The following ZFP92 variants were observed in gnomAD, a reference collection of about 807,000 sequenced individuals.
ZFP92 encodes the protein ZFP92 zinc finger protein, also known as zinc finger protein 92 homolog.
A neutral mutation model predicts 7.6 loss-of-function variants in ZFP92; 2 were observed. The ratio of observed to expected loss-of-function variants is 0.26; its 90% confidence interval spans 0.11 to 0.83. The LOEUF (loss-of-function observed/expected upper bound fraction) is 0.83, where lower values mean the gene tolerates loss of function less well. Ranked by LOEUF, ZFP92 falls within the 40% of genes least tolerant of loss-of-function variation. The probability of loss-of-function intolerance (pLI) is 0.65; values close to 1 mark genes in which losing one functional copy is unlikely to be tolerated. For missense variants in ZFP92, 324 were observed against 408.3 expected, an observed-to-expected ratio of 0.79 and a Z score of 1.78; for synonymous variants, 226 against 183.6, an observed-to-expected ratio of 1.23 and a Z score of -1.87.
intron 2 of ZFP92, among the ~76,000 whole-genome samples, chrX:153,417,535 G>C (rs1291573418): frequency 8.9e-6 from 1 of 112,365 alleles, no homozygotes; most frequent in Non-Finnish European, 1.9e-5. Flanking sequence ...CCTGAGGGAA[G>C]GGGATTGGCA....
chrX:153,421,532 G>GGGCCCTGGGAGCACC lies in ZFP92; in HGVS notation c.1168_1182dup (p.Thr390_Ser394dup), dbSNP rs2089003997. The GGGCCCTGGGAGCACC allele has an allele frequency of 8.9e-7, 1 of 1,123,173 alleles. No individual in the cohort carries two copies. The highest frequency in any genetic ancestry group is 1.2e-6 in the Non-Finnish European group (1 of 858,655). 92.6% of individuals were successfully genotyped at this position (1,123,173 alleles called of 1,213,427 possible). A position where few individuals can be genotyped will look rare whatever the true frequency, so the allele number is the denominator to read the frequency against. On this transcript the variant is annotated inframe_insertion, in exon 6 of 6. Coordinates refer to ENST00000338647, the MANE Select transcript of ZFP92 (RefSeq NM_001136273.2). ...AGGCGGAGACGGCGCGGAGGCTAGC[G>GGGCCCTGGGAGCACC]GGCCCTGGGAGCACCGGCCCTGGGA...
At chrX:153,420,409 C>T in intron 5 of ZFP92, 77 bp downstream of exon 5, 1 of 981,574 alleles carries the variant, frequency 1.0e-6, no homozygotes, top group Non-Finnish European at 1.4e-6. Context: ...GGGGAGGGTA[C>T]CCTGCCGCTT....
rs2089016108 is a variant in ZFP92 at position 153,422,904 on chromosome X, C to T, written c.*1276C>T. ...ACCTCAGGCAGGAGAAAGGGGGCCA[C>T]CCCAGGCCTGCCCCCAGATGAGTGT... On this transcript the variant is annotated 3_prime_UTR_variant, in exon 6 of 6. Transcript: ENST00000338647. The T allele has an allele frequency of 8.9e-6, 1 of 112,706 alleles. No homozygotes were observed. Among genetic ancestry groups the T allele is most frequent in the Admixed American group, 9.3e-5 (1 of 10,772 alleles). The allele number at this position is 112,706 out of a possible 1,213,427, so 9.3% of individuals were successfully genotyped here.
chrX:153,416,922 G>A (rs189192022), intron 2 of ZFP92, among the ~76,000 whole-genome samples: 38 of 111,421 alleles, frequency 3.4e-4, no homozygotes, highest in Non-Finnish European at 6.0e-4. Flanking sequence ...GGGGACGCAA[G>A]ATGAGGGGAG....
intron 4 of ZFP92, among the ~76,000 whole-genome samples, chrX:153,419,634 G>A (rs1556974542): frequency 8.9e-6 from 1 of 112,420 alleles, no homozygotes; most frequent in Non-Finnish European, 1.9e-5. Flanking sequence ...TCCCCTTGCC[G>A]CTGGAGGGGA....
At chrX:153,420,433 C>A in intron 5 of ZFP92, 101 bp downstream of exon 5, 1 of 917,165 alleles carries the variant, frequency 1.1e-6, no homozygotes, top group Non-Finnish European at 1.5e-6. Flanking sequence ...GTGGGAAATC[C>A]TCTTTGGAGG....
intron 4 of ZFP92, among the ~76,000 whole-genome samples, chrX:153,419,505 C>T (rs1191869259): frequency 8.9e-6 from 1 of 112,772 alleles, no homozygotes; most frequent in Non-Finnish European, 1.9e-5. Flanking sequence ...ATGAGAGATG[C>T]ATGCGTGAAA....
At chrX:153,415,574 G>A (rs782330173) in intron 2 of ZFP92, among the ~76,000 whole-genome samples, 1 of 112,058 alleles carries the variant, frequency 8.9e-6, no homozygotes, top group South Asian at 3.8e-4. Context: ...GCAAGGGTTT[G>A]TGTGAACCAC....
chrX:153,425,969 C>T lies in ZFP92; in HGVS notation c.*4341C>T, dbSNP rs897427130. The T allele has an allele frequency of 1.4e-4, 16 of 111,774 alleles. No individual in the cohort carries two copies. The highest frequency in any genetic ancestry group is 5.2e-4 in the African/African-American group (16 of 30,700). The allele number at this position is 111,774 out of a possible 1,213,427, so 9.2% of individuals were successfully genotyped here. ...TCATGTGGGAAATGGAGGCCTGCTG[C>T]AGACCTGAAGGTCAATGATTGTTTA... On this transcript the variant is annotated 3_prime_UTR_variant, in exon 6 of 6. Transcript: ENST00000338647.
In ZFP92 at chrX:153,421,001, C is replaced by T; in HGVS notation, c.624C>T (p.Tyr208=). ...GCATCCACAGCGGCGAGAAGCCCTA[C>T]GCCTGCCCCGAGTGCAGCAAGACCT... is the stretch of plus-strand genomic sequence containing the variant. ...HQRIHSGEKP[Y]ACPECSKTFT... The change falls in exon 6 of 6, where the codon TAC becomes TAT. Residue 208 remains tyrosine, a synonymous_variant. Coordinates refer to ENST00000338647, the MANE Select transcript of ZFP92 (RefSeq NM_001136273.2). The T allele has an allele frequency of 2.5e-6, 3 of 1,201,129 alleles. No homozygotes were observed. The highest frequency in any genetic ancestry group is 6.0e-5 in the East Asian group (2 of 33,337).
intron 4 of ZFP92, among the ~76,000 whole-genome samples, chrX:153,419,512 G>C (rs782045167): frequency 1.8e-5 from 2 of 112,771 alleles, no homozygotes; most frequent in African/African-American, 3.2e-5. Context: ...ATGCATGCGT[G>C]AAACAGAGTG....
At chrX:153,414,192 C>T (rs915053766) in intron 2 of ZFP92, among the ~76,000 whole-genome samples, 11 of 112,408 alleles carry the variant, frequency 9.8e-5, no homozygotes, top group African/African-American at 3.2e-4. Flanking sequence ...GGCAAATTAT[C>T]AGTAATACCT....
In ZFP92 at chrX:153,421,670, G is replaced by T. The variant is rs1461772487; in HGVS notation, c.*42G>T. ...CCAGGGCGCGGCCGGTCTGCGTGGG[G>T]GGCCTTCCTGGGGACGTCGAGGCTC... On this transcript the variant is annotated 3_prime_UTR_variant, in exon 6 of 6. Transcript: ENST00000338647. The T allele has an allele frequency of 5.4e-6, 5 of 930,432 alleles. No individual in the cohort carries two copies. The highest frequency in any genetic ancestry group is 4.7e-4 in the Middle Eastern group (1 of 2,121). The allele number at this position is 930,432 out of a possible 1,213,427, so 76.7% of individuals were successfully genotyped here. A position where few individuals can be genotyped will look rare whatever the true frequency, so the allele number is the denominator to read the frequency against.
At chrX:153,413,491 GGGCCGGCAGTGGCACC>G (rs1168844860) in intron 2 of ZFP92, among the ~76,000 whole-genome samples, 4 of 109,440 alleles carry the variant, frequency 3.7e-5, no homozygotes, top group Non-Finnish European at 7.6e-5. Flanking sequence ...AGCCCTGGAG[GGGCCGGCAGTGGCACC>G]GGTCACCCAG....
chrX:153,416,031 T>A (rs188578843), intron 2 of ZFP92, among the ~76,000 whole-genome samples: 365 of 111,177 alleles, frequency 3.3e-3, no homozygotes, highest in African/African-American at 0.011. Flanking sequence ...TAGAACAGCC[T>A]CTCTCCCCAG....
intron 2 of ZFP92, among the ~76,000 whole-genome samples, chrX:153,416,759 A>G (rs1448524655): frequency 3.6e-5 from 4 of 111,803 alleles, no homozygotes; most frequent in Non-Finnish European, 7.5e-5. Flanking sequence ...TAATTTATAA[A>G]GAGAAAAGGT....
At chrX:153,412,715 A>T (rs1242516507) in intron 2 of ZFP92, among the ~76,000 whole-genome samples, 1 of 111,775 alleles carries the variant, frequency 8.9e-6, no homozygotes, top group Non-Finnish European at 1.9e-5. Context: ...AGAGTGTGGC[A>T]GGAGCAGAGG....
At chrX:153,412,041 G>A (rs1556973063) in intron 2 of ZFP92, among the ~76,000 whole-genome samples, 28 bp downstream of exon 2, 1 of 113,055 alleles carries the variant, frequency 8.8e-6, no homozygotes, top group Admixed American at 9.3e-5. Flanking sequence ...ACCTCTGGGT[G>A]TGAGAGTGCT....
chrX:153,413,522 A>T (rs782122657), intron 2 of ZFP92, among the ~76,000 whole-genome samples: 13 of 109,810 alleles, frequency 1.2e-4, no homozygotes, highest in Non-Finnish European at 2.3e-4. Flanking sequence ...ACCCAGGTTG[A>T]TGGGCCTTTC....
Sources: allele counts gnomAD v4.1 joint callset (sites outside exome capture counted in the v4.1 genomes callset), GRCh38; gene constraint gnomAD v4.1.1; transcripts MANE v1.5; gene names NCBI Gene and HGNC (gene_info 2026-07-23, HGNC 2026-07-21).